OTUD7A: variants seen among roughly 807,000 people sequenced by gnomAD.
OTUD7A encodes OTU deubiquitinase 7A, also known as OTU domain-containing protein 7A.
In OTUD7A, 12 loss-of-function variants were observed where a neutral mutation model predicts 65.7. That is an observed-to-expected ratio of 0.18 (90% CI 0.12 to 0.30). OTUD7A has a LOEUF of 0.30. OTUD7A is among the 10% of genes least tolerant of loss of function. The pLI, the probability that OTUD7A is intolerant of heterozygous loss-of-function variation, is 1.00. For missense variants in OTUD7A, 1,148 were observed against 1,304.8 expected, an observed-to-expected ratio of 0.88 and a Z score of 1.85; for synonymous variants, 641 against 586.3, an observed-to-expected ratio of 1.09 and a Z score of -1.35.
intron 1 of OTUD7A, among the ~76,000 whole-genome samples, chr15:31,728,426 T>C (rs1420138343): frequency 1.3e-5 from 2 of 152,266 alleles, no homozygotes; most frequent in Non-Finnish European, 1.5e-5. Context: ...ATCTTTTCAA[T>C]GGGTTCATAC....
At chr15:31,607,266 G>C (rs543537749) in intron 3 of OTUD7A, among the ~76,000 whole-genome samples, 1 of 152,286 alleles carries the variant, frequency 6.6e-6, no homozygotes, top group Admixed American at 6.5e-5. Context: ...ATAGAAACTA[G>C]TACTCAGGGC....
intron 1 of OTUD7A, among the ~76,000 whole-genome samples, chr15:31,811,333 ATGTGTGTAAGTGCG>A: frequency 6.6e-6 from 1 of 151,554 alleles, no homozygotes; most frequent in South Asian, 2.1e-4. Context: ...TGTGCATGGT[ATGTGTGTAAGTGCG>A]TGTGTGTGTG....
At position 31,483,203 on chromosome 15, in the gene OTUD7A, C is replaced by T; in HGVS notation, c.*91G>A. ...ACTGACAGAGGAGGCGCCGGCCTTC[C>T]GGTGGACCAGGGCATGTAAAAAAGA... On this transcript the variant is annotated 3_prime_UTR_variant, in exon 13 of 13. Transcript: ENST00000307050. 9.7e-7 allele frequency: 1 copy of T among 1,026,522 alleles called. No individual in the cohort carries two copies. The allele number at this position is 1,026,522 out of a possible 1,614,324, so 63.6% of individuals were successfully genotyped here.
intron 1 of OTUD7A, among the ~76,000 whole-genome samples, chr15:31,714,901 C>G (rs1050273315): frequency 6.6e-6 from 1 of 151,928 alleles, no homozygotes; most frequent in African/African-American, 2.4e-5. Flanking sequence ...TTTGGGAGGC[C>G]GAGGCAGGCG....
At chr15:31,636,879 C>T (rs1380561857) in intron 3 of OTUD7A, among the ~76,000 whole-genome samples, 3 of 151,290 alleles carry the variant, frequency 2.0e-5, no homozygotes, top group Admixed American at 6.6e-5. Context: ...TTCAATTCTA[C>T]GGAGGCTAAG....
intron 1 of OTUD7A, among the ~76,000 whole-genome samples, chr15:31,814,051 C>CA (rs1185922972): frequency 6.6e-6 from 1 of 152,194 alleles, no homozygotes; most frequent in African/African-American, 2.4e-5. Context: ...ACTAGGTCAC[C>CA]ATGGGGTAAC....
chr15:31,785,843 GAATTA>G (rs1189208820), intron 1 of OTUD7A, among the ~76,000 whole-genome samples: 1 of 152,216 alleles, frequency 6.6e-6, no homozygotes, highest in African/African-American at 2.4e-5. Context: ...CTTGGCCAGA[GAATTA>G]AATAGTACAT....
intron 3 of OTUD7A, among the ~76,000 whole-genome samples, chr15:31,645,793 A>AGGCT (rs1891643941): frequency 6.6e-6 from 1 of 152,106 alleles, no homozygotes. Flanking sequence ...TACTGCCCAT[A>AGGCT]GGCTGGCTGG....
At chr15:31,512,245 C>T (rs892455907) in intron 8 of OTUD7A, among the ~76,000 whole-genome samples, 1 of 151,596 alleles carries the variant, frequency 6.6e-6, no homozygotes, top group Non-Finnish European at 1.5e-5. Flanking sequence ...ATTGCTGAGA[C>T]TCTGAGTTTA....
intron 1 of OTUD7A, among the ~76,000 whole-genome samples, chr15:31,815,282 G>A (rs1327710377): frequency 6.6e-6 from 1 of 152,140 alleles, no homozygotes; most frequent in Non-Finnish European, 1.5e-5. Flanking sequence ...AAAGCAACAT[G>A]CCCAAGTGGA....
chr15:31,733,097 T>C (rs1894091731), intron 1 of OTUD7A, among the ~76,000 whole-genome samples: 1 of 152,214 alleles, frequency 6.6e-6, no homozygotes, highest in South Asian at 2.1e-4. Context: ...GTTTCAGTCC[T>C]GACTCATGAT....
At chr15:31,502,909 G>C (rs1366606801) in intron 9 of OTUD7A, among the ~76,000 whole-genome samples, 1 of 152,230 alleles carries the variant, frequency 6.6e-6, no homozygotes, top group Non-Finnish European at 1.5e-5. Context: ...TATGGCAGCT[G>C]TGATTTAGCG....
At chr15:31,590,939 A>G (rs1443425714) in intron 3 of OTUD7A, among the ~76,000 whole-genome samples, 3 of 152,180 alleles carry the variant, frequency 2.0e-5, no homozygotes, top group African/African-American at 7.2e-5. Context: ...TAGCATGGAT[A>G]TGAATAAAGA....
rs183784463 is a variant in OTUD7A, at chr15:31,635,516, C to T, written c.151+19580G>A. On this transcript the variant is annotated intron_variant, in intron 3 of 12. Transcript: ENST00000307050. ...GGAGAGACCTGGGGGCAGAGAGCCC[C>T]GACACTGCCTTGCCGCTGCACTGAG... Among the ~76,000 whole-genome samples the T allele has an allele frequency of 3.3e-3, 495 of 152,306 alleles. 17 individuals are homozygous for T. Among genetic ancestry groups the T allele is most frequent in the Admixed American group, 0.029 (444 of 15,298 alleles).
chr15:31,845,555 G>T (rs1433228935), intron 1 of OTUD7A, among the ~76,000 whole-genome samples: 1 of 152,204 alleles, frequency 6.6e-6, no homozygotes, highest in African/African-American at 2.4e-5. Context: ...CTGGGCAGGG[G>T]AATCATGCTC....
At chr15:31,818,073 A>T (rs765191059) in intron 1 of OTUD7A, among the ~76,000 whole-genome samples, 75 of 152,332 alleles carry the variant, frequency 4.9e-4, no homozygotes, top group African/African-American at 1.7e-3. Flanking sequence ...CTGAGGAAAC[A>T]GCAACAAGGC....
chr15:31,515,687 G>GTCCA (rs574581148), intron 8 of OTUD7A, among the ~76,000 whole-genome samples: 27 of 130,934 alleles, frequency 2.1e-4, no homozygotes, highest in African/African-American at 3.5e-4. Context: ...CCATCCACTT[G>GTCCA]TCCATCCATC....
intron 1 of OTUD7A, among the ~76,000 whole-genome samples, chr15:31,681,231 C>T (rs1050551620): frequency 6.6e-6 from 1 of 151,782 alleles, no homozygotes; most frequent in African/African-American, 2.4e-5. Flanking sequence ...CATGTGTCTG[C>T]TAAGTAGATG....
intron 1 of OTUD7A, among the ~76,000 whole-genome samples, chr15:31,660,859 T>A (rs1463536023): frequency 6.6e-6 from 1 of 152,248 alleles, no homozygotes; most frequent in East Asian, 1.9e-4. Flanking sequence ...CACATTGTCT[T>A]GTAGGAACTG....
Sources: allele counts gnomAD v4.1 joint callset (sites outside exome capture counted in the v4.1 genomes callset), GRCh38; gene constraint gnomAD v4.1.1; transcripts MANE v1.5; gene names NCBI Gene and HGNC (gene_info 2026-07-23, HGNC 2026-07-21).